The following NECAB1 variants were observed in gnomAD, a reference collection of about 807,000 sequenced individuals.
NECAB1 encodes N-terminal EF-hand calcium-binding protein 1.
A neutral mutation model predicts 57.5 loss-of-function variants in NECAB1; 29 were observed. The observed-to-expected ratio is 0.50, with a 90% confidence interval of 0.38 to 0.69. The LOEUF is 0.69. Ranked by LOEUF, NECAB1 falls within the 30% of genes least tolerant of loss-of-function variation. The pLI is 0.00. For synonymous variants in NECAB1, 142 were observed against 147.7 expected, an observed-to-expected ratio of 0.96 and a Z score of 0.28; for missense variants, 372 against 413.8, an observed-to-expected ratio of 0.90 and a Z score of 0.88.
At chr8:90,797,473 T>C (rs1289484748) in intron 1 of NECAB1, among the ~76,000 whole-genome samples, 3 of 152,168 alleles carry the variant, frequency 2.0e-5, no homozygotes, top group Non-Finnish European at 2.9e-5. Context: ...AACTTGGGAA[T>C]AAAAATGATT....
intron 3 of NECAB1, among the ~76,000 whole-genome samples, chr8:90,844,414 G>A (rs1812516868): frequency 6.6e-6 from 1 of 152,110 alleles, no homozygotes; most frequent in Non-Finnish European, 1.5e-5. Context: ...CCAGTCTCTA[G>A]TGCAAGTAAT....
intron 5 of NECAB1, among the ~76,000 whole-genome samples, chr8:90,907,434 C>A (rs1809716164): frequency 6.6e-6 from 1 of 152,124 alleles, no homozygotes; most frequent in South Asian, 2.1e-4. Flanking sequence ...GTCTTTCAAT[C>A]CTGATTTCTA....
intron 2 of NECAB1, among the ~76,000 whole-genome samples, chr8:90,803,433 C>A (rs1347615223): frequency 6.6e-6 from 1 of 152,138 alleles, no homozygotes; most frequent in African/African-American, 2.4e-5. Flanking sequence ...TTTCCTAGAC[C>A]CCAAAGCTCT....
intron 5 of NECAB1, among the ~76,000 whole-genome samples, chr8:90,896,597 TC>T (rs1008832390): frequency 6.7e-6 from 1 of 149,522 alleles, no homozygotes; most frequent in Non-Finnish European, 1.5e-5. Flanking sequence ...AGAGCGAGAC[TC>T]CGTCTCAAAA....
chr8:90,947,311 C>A (rs565663867), intron 10 of NECAB1, among the ~76,000 whole-genome samples: 17 of 140,370 alleles, frequency 1.2e-4, no homozygotes, highest in African/African-American at 3.0e-4. Context: ...CATACACACA[C>A]ACACACACAC....
At chr8:90,830,131 A>G (rs1310706623) in intron 3 of NECAB1, among the ~76,000 whole-genome samples, 1 of 152,072 alleles carries the variant, frequency 6.6e-6, no homozygotes, top group Non-Finnish European at 1.5e-5. Flanking sequence ...TAGAAAAAGA[A>G]GGAAGGGTCA....
intron 5 of NECAB1, among the ~76,000 whole-genome samples, chr8:90,912,054 G>A (rs2130089049): frequency 6.6e-6 from 1 of 152,220 alleles, no homozygotes; most frequent in South Asian, 2.1e-4. Flanking sequence ...TGTCTTCAGA[G>A]CCAGCTTCTT....
At chr8:90,810,314 T>A (rs1586034803) in intron 2 of NECAB1, among the ~76,000 whole-genome samples, 1 of 152,240 alleles carries the variant, frequency 6.6e-6, no homozygotes, top group East Asian at 1.9e-4. Context: ...GAGTTGGAAC[T>A]TTAATCTGCC....
chr8:90,903,576 G>C (rs1395155088), intron 5 of NECAB1, among the ~76,000 whole-genome samples: 1 of 152,062 alleles, frequency 6.6e-6, no homozygotes, highest in African/African-American at 2.4e-5. Context: ...CTGACTTTAG[G>C]CAGATTACTT....
chr8:90,829,846 C>T (rs1025476968), intron 3 of NECAB1, among the ~76,000 whole-genome samples: 1 of 151,858 alleles, frequency 6.6e-6, no homozygotes, highest in African/African-American at 2.4e-5. Flanking sequence ...TCTGTAGGGC[C>T]GTTCAGAATA....
At chr8:90,906,885 A>ATATGTATATATATATATATATGTATG (rs1554574058) in intron 5 of NECAB1, among the ~76,000 whole-genome samples, 77 of 120,916 alleles carry the variant, frequency 6.4e-4, no homozygotes, top group Non-Finnish European at 1.0e-3. Flanking sequence ...ACATATATAT[A>ATATGTATATATATATATATATGTATG]TATATATATA....
intron 10 of NECAB1, among the ~76,000 whole-genome samples, chr8:90,946,322 C>T (rs1311000676): frequency 6.6e-6 from 1 of 152,192 alleles, no homozygotes; most frequent in Non-Finnish European, 1.5e-5. Context: ...CAGAGTGCAG[C>T]TTTTGGAGGC....
intron 4 of NECAB1, among the ~76,000 whole-genome samples, chr8:90,875,864 A>G (rs952319372): frequency 1.4e-5 from 2 of 140,090 alleles, no homozygotes; most frequent in Non-Finnish European, 1.5e-5. Flanking sequence ...AAAAAAAATT[A>G]CCGGGCGTGG....
intron 3 of NECAB1, among the ~76,000 whole-genome samples, chr8:90,828,447 G>A (rs184440540): frequency 2.6e-5 from 4 of 152,140 alleles, no homozygotes; most frequent in Admixed American, 2.6e-4. Flanking sequence ...ACAAGCTTAA[G>A]CTCAGTGCTC....
At chr8:90,857,139 A>T (rs1015838230) in intron 3 of NECAB1, among the ~76,000 whole-genome samples, 1 of 152,102 alleles carries the variant, frequency 6.6e-6, no homozygotes, top group African/African-American at 2.4e-5. Flanking sequence ...TTATTTAAAA[A>T]GGCTTTAGAA....
chr8:90,877,604 G>A (rs966845845), intron 4 of NECAB1, among the ~76,000 whole-genome samples: 3 of 152,202 alleles, frequency 2.0e-5, no homozygotes, highest in Admixed American at 1.3e-4. Context: ...AGGACTGGAA[G>A]TGGGCCTGAG....
chr8:90,830,494 C>G (rs750085769), intron 3 of NECAB1, among the ~76,000 whole-genome samples: 1 of 152,044 alleles, frequency 6.6e-6, no homozygotes, highest in Non-Finnish European at 1.5e-5. Context: ...ATGAACAAAC[C>G]GGGCTTGCCA....
Position 90,791,911 on chromosome 8 carries a change from C to G in NECAB1, c.25C>G (p.Pro9Ala). The change falls in exon 1 of 13, where the codon CCG (proline) becomes GCG (alanine). Residue 9 changes from proline (P) to alanine (A), a missense_variant. Pro to Ala is a conservative substitution (Grantham distance 27). Coordinates refer to ENST00000417640, the MANE Select transcript of NECAB1 (RefSeq NM_022351.5). MEDSQETS[P>A]SSNNSSEELS... The stretch of plus-strand genomic sequence containing the variant: ...GATGGAAGATTCCCAGGAGACATCG[C>G]CGTCCTCCAACAACTCCTCGGAGGA... 6.4e-7 allele frequency: 1 copy of G among 1,552,026 alleles called. No homozygotes were observed. The highest frequency in any genetic ancestry group is 8.7e-7 in the Non-Finnish European group (1 of 1,147,330).
intron 6 of NECAB1, among the ~76,000 whole-genome samples, chr8:90,925,227 C>CA (rs1250638656): frequency 6.6e-6 from 1 of 151,972 alleles, no homozygotes; most frequent in Non-Finnish European, 1.5e-5. Flanking sequence ...TCAAATTAAA[C>CA]AAAATACAAT....
Sources: gnomAD v4.1 joint callset for allele counts (sites outside exome capture counted in the v4.1 genomes callset) on GRCh38, gnomAD v4.1.1 for gene constraint, MANE v1.5 for transcripts, NCBI Gene and HGNC (gene_info 2026-07-23, HGNC 2026-07-21) for gene names.